KCNH8: variants seen among roughly 807,000 people sequenced by gnomAD.
The protein encoded by KCNH8 is voltage-gated delayed rectifier potassium channel KCNH8.
A neutral mutation model predicts 103.6 loss-of-function variants in KCNH8; 70 were observed. That is an observed-to-expected ratio of 0.68 (90% CI 0.56 to 0.82). KCNH8 has a LOEUF of 0.82. Ranked by LOEUF, KCNH8 falls within the 40% of genes least tolerant of loss-of-function variation. KCNH8 has a pLI of 0.00. For synonymous variants in KCNH8, 498 were observed against 489.4 expected (o/e 1.02, Z -0.23); for missense variants, 1,217 against 1,329.9 (o/e 0.92, Z 1.32).
chr3:19,451,295 T>C lies in KCNH8; in HGVS notation c.1716T>C (p.Cys572=). 1 of 1,613,950 alleles carries C rather than the reference T, an allele frequency of 6.2e-7. No homozygotes were observed. Among genetic ancestry groups the C allele is most frequent in the Non-Finnish European group, 8.5e-7 (1 of 1,179,902 alleles). Reference sequence around the variant, plus strand: ...CTCTACACATCAAAACCTCTTTCTGTGCTCCGGGGGAGTATCTGCTGCGTC... The same window carrying C: ...CTCTACACATCAAAACCTCTTTCTGCGCTCCGGGGGAGTATCTGCTGCGTC... The part of the protein sequence containing the change: ...SLSLHIKTSF[C]APGEYLLRQG... Residue 572 remains cysteine, a synonymous_variant, in exon 10 of 16, where the codon TGT becomes TGC. Coordinates refer to ENST00000328405, the MANE Select transcript of KCNH8 (RefSeq NM_144633.3).
chr3:19,159,347 T>C lies in KCNH8; in HGVS notation c.76+10552T>C, dbSNP rs575675097. On this transcript the variant is annotated intron_variant, in intron 1 of 15. Transcript: ENST00000328405. ...ACACAAATATAATATAGTGTATATA[T>C]AGTATGGTATATATATACACATATA... Among the ~76,000 whole-genome samples the C allele has an allele frequency of 9.9e-5, 15 of 151,818 alleles. No individual in the cohort carries two copies. The South Asian group carries it at 2.7e-3, about 27-fold the overall frequency.
chr3:19,159,815 T>A (rs942204416), intron 1 of KCNH8, among the ~76,000 whole-genome samples: 11 of 152,116 alleles, frequency 7.2e-5, no homozygotes, highest in Non-Finnish European at 1.5e-4. Context: ...ACATGCACAT[T>A]GTACACCAAC....
intron 1 of KCNH8, among the ~76,000 whole-genome samples, chr3:19,175,693 AT>A (rs1478538146): frequency 6.6e-6 from 1 of 152,138 alleles, no homozygotes; most frequent in Non-Finnish European, 1.5e-5. Context: ...ACTTCCTTAT[AT>A]GTTTCTTTTG....
chr3:19,331,387 G>T (rs2065506420), intron 3 of KCNH8, among the ~76,000 whole-genome samples: 1 of 151,864 alleles, frequency 6.6e-6, no homozygotes, highest in African/African-American at 2.4e-5. Flanking sequence ...CGCCTCCCAG[G>T]TTCAAGTGAT....
At chr3:19,189,690 A>G (rs1324567135) in intron 1 of KCNH8, among the ~76,000 whole-genome samples, 3 of 152,016 alleles carry the variant, frequency 2.0e-5, no homozygotes, top group Non-Finnish European at 4.4e-5. Context: ...ATCTAGAAAC[A>G]CATTAATGTC....
At chr3:19,243,081 G>A (rs985057127) in intron 1 of KCNH8, among the ~76,000 whole-genome samples, 1 of 152,108 alleles carries the variant, frequency 6.6e-6, no homozygotes, top group African/African-American at 2.4e-5. Flanking sequence ...TATTGTGAGG[G>A]CCACAGATTC....
chr3:19,382,874 C>G (rs555147666), intron 5 of KCNH8, among the ~76,000 whole-genome samples: 2 of 152,214 alleles, frequency 1.3e-5, no homozygotes, highest in South Asian at 4.2e-4. Context: ...CTCACTCATG[C>G]TATGTACAAT....
At chr3:19,399,961 A>G (rs909010706) in intron 7 of KCNH8, among the ~76,000 whole-genome samples, 8 of 151,938 alleles carry the variant, frequency 5.3e-5, no homozygotes, top group Non-Finnish European at 1.2e-4. Context: ...AAGAAGTTCA[A>G]TTGTGACATT....
chr3:19,162,762 A>T (rs1166602038), intron 1 of KCNH8, among the ~76,000 whole-genome samples: 32 of 152,186 alleles, frequency 2.1e-4, no homozygotes, highest in Non-Finnish European at 3.1e-4. Flanking sequence ...CTATTATGAT[A>T]AATTTTTATA....
chr3:19,312,487 A>G (rs1246651882), intron 3 of KCNH8, among the ~76,000 whole-genome samples: 1 of 151,894 alleles, frequency 6.6e-6, no homozygotes, highest in African/African-American at 2.4e-5. Flanking sequence ...CATACTCGGA[A>G]TATATTGGAT....
chr3:19,383,875 TTA>T (rs1400609069), intron 5 of KCNH8, among the ~76,000 whole-genome samples: 1 of 152,164 alleles, frequency 6.6e-6, no homozygotes, highest in Non-Finnish European at 1.5e-5. Context: ...TGTCAAAACT[TTA>T]TATAATTAAG....
intron 3 of KCNH8, among the ~76,000 whole-genome samples, chr3:19,298,656 C>T (rs905966207): frequency 4.6e-5 from 7 of 152,172 alleles, no homozygotes; most frequent in African/African-American, 1.7e-4. Flanking sequence ...GGCAGAGTGG[C>T]TCACGCCTGT....
At chr3:19,472,388 T>C (rs1575108044) in intron 11 of KCNH8, among the ~76,000 whole-genome samples, 1 of 152,306 alleles carries the variant, frequency 6.6e-6, no homozygotes, top group South Asian at 2.1e-4. Flanking sequence ...CCCACTGTTG[T>C]GGGAGGGACC....
chr3:19,356,625 A>G (rs976169540), intron 5 of KCNH8, among the ~76,000 whole-genome samples: 10 of 151,950 alleles, frequency 6.6e-5, no homozygotes, highest in Admixed American at 2.0e-4. Flanking sequence ...TCAAAGCCTT[A>G]TAGAAACTTA....
At chr3:19,344,182 A>C (rs896775866) in intron 4 of KCNH8, among the ~76,000 whole-genome samples, 1 of 152,040 alleles carries the variant, frequency 6.6e-6, no homozygotes, top group African/African-American at 2.4e-5. Flanking sequence ...AGCAAGTTAT[A>C]AGAAGAAACA....
At chr3:19,450,084 T>C in intron 8 of KCNH8, 22 bp from the exon 9 acceptor site, 2 of 1,603,486 alleles carry the variant, frequency 1.2e-6, no homozygotes, top group Middle Eastern at 1.7e-4. Context: ...TCTTCCATTA[T>C]ATACTGTGTT....
intron 3 of KCNH8, among the ~76,000 whole-genome samples, chr3:19,314,115 A>G (rs1364045503): frequency 1.3e-5 from 2 of 151,966 alleles, no homozygotes; most frequent in African/African-American, 4.8e-5. Flanking sequence ...TTTCTCCTCC[A>G]AAAATTTGGT....
chr3:19,502,499 A>G (rs892076163), intron 11 of KCNH8, among the ~76,000 whole-genome samples: 1 of 152,340 alleles, frequency 6.6e-6, no homozygotes, highest in South Asian at 2.1e-4. Context: ...AGCTGGAGGC[A>G]TCACACTACC....
intron 11 of KCNH8, among the ~76,000 whole-genome samples, chr3:19,461,017 T>C (rs1010694781): frequency 2.6e-5 from 4 of 152,192 alleles, no homozygotes; most frequent in Admixed American, 2.6e-4. Flanking sequence ...CTTTATAAAT[T>C]ACCCAGTCTC....
Sources: gnomAD v4.1 joint callset for allele counts (sites outside exome capture counted in the v4.1 genomes callset) on GRCh38, gnomAD v4.1.1 for gene constraint, MANE v1.5 for transcripts, NCBI Gene and HGNC (gene_info 2026-07-23, HGNC 2026-07-21) for gene names.